Variants in ADH1B observed in about 807,000 individuals in gnomAD.
The protein encoded by ADH1B is alcohol dehydrogenase 1B (class I), beta polypeptide.
ADH1B carries 29 observed loss-of-function variants against 34.6 expected under a neutral mutation model. The observed-to-expected ratio is 0.84, with a 90% CI of 0.62 to 1.14. ADH1B has a LOEUF of 1.14. Among genes scored for constraint, ADH1B ranks in the 50% most tolerant of loss-of-function variants. The probability of loss-of-function intolerance (pLI) is 0.00; values close to 1 mark genes in which losing one functional copy is unlikely to be tolerated. For synonymous variants in ADH1B, 170 were observed against 175.5 expected (o/e 0.97, Z 0.25); for missense variants, 424 against 468.4 (o/e 0.91, Z 0.87).
At chr4:99,308,463 A>AC (rs1360563405) in intron 8 of ADH1B, among the ~76,000 whole-genome samples, 1 of 151,600 alleles carries the variant, frequency 6.6e-6, no homozygotes. Flanking sequence ...CAAAGTTAAG[A>AC]CTATGCTGGA....
Position 99,307,823 on chromosome 4 carries a change from A to G in ADH1B, c.*17T>C. 6.2e-7 allele frequency: 1 copy of G among 1,613,410 alleles called. No individual in the cohort carries two copies. ...AGGAGGCTGAAGACTGCTACAGGGG[A>G]AGGCATCTCTATTGCCTCAAAACGT... On this transcript the variant is annotated 3_prime_UTR_variant, in exon 9 of 9. Coordinates refer to ENST00000305046, the MANE Select transcript of ADH1B (RefSeq NM_000668.6).
intron 8 of ADH1B, among the ~76,000 whole-genome samples, chr4:99,309,647 G>A (rs928103685): frequency 1.1e-4 from 17 of 152,098 alleles, no homozygotes; most frequent in Non-Finnish European, 1.9e-4. Context: ...ATATGTACAT[G>A]CACTCTTGAG....
rs906569956 is a variant in ADH1B at position 99,315,997 on chromosome 4, A to G, written c.468T>C (p.Asn156=). ...AGGCTGCATCAATTTTGGCCACTGC[A>G]TTCTCATCCACCACCGTGTACTGGG... ...TFSQYTVVDE[N]AVAKIDAASP... Residue 156 remains asparagine (N), a synonymous_variant, in exon 5 of 9, where the codon AAT becomes AAC. Coordinates refer to ENST00000305046, the MANE Select transcript of ADH1B (RefSeq NM_000668.6). 5 of 1,614,134 alleles carry G rather than the reference A, an allele frequency of 3.1e-6. No homozygotes were observed. Among genetic ancestry groups the G allele is most frequent in the Non-Finnish European group, 3.4e-6 (4 of 1,180,020 alleles).
intron 3 of ADH1B, chr4:99,317,768 T>TGA (rs1394713960): frequency 2.3e-6 from 1 of 428,720 alleles, no homozygotes; most frequent in Non-Finnish European, 4.1e-6. Context: ...GTAGGCACTG[T>TGA]GTCTCTTTTG....
intron 6 of ADH1B, chr4:99,313,492 T>C (rs1447162945): frequency 3.6e-6 from 1 of 278,354 alleles, no homozygotes; most frequent in Non-Finnish European, 6.6e-6. Flanking sequence ...AACATTCCAA[T>C]TTGAGAACAG....
chr4:99,314,081 C>T lies in ADH1B; in HGVS notation c.568G>A (p.Val190Ile). 6.2e-7 allele frequency: 1 copy of T among 1,611,406 alleles called. No individual in the cohort carries two copies. Among genetic ancestry groups the T allele is most frequent in the Non-Finnish European group, 8.5e-7 (1 of 1,178,808 alleles). Residue 190 changes from valine to isoleucine, a missense_variant and splice_region_variant, in exon 6 of 9, where the codon GTC becomes ATC. Physicochemically the swap from Val to Ile is conservative, Grantham distance 29 (BLOSUM62 3). Transcript: ENST00000305046. ...GYGSAVNVAKVTPGSTCAVFG... is the reference protein window; with the variant it reads ...GYGSAVNVAKITPGSTCAVFG... ...ACAGCACAGGTAGAGCCTGGGGTGA[C>T]CTGTGTTTTCAGAAAATGCAAAAAT...
At position 99,310,886 on chromosome 4, in the gene ADH1B, C is replaced by T. The variant is rs775525528; in HGVS notation, c.982G>A (p.Gly328Ser). Reference sequence around the variant, plus strand: ...AAATCAGCCACAAGTTTTGGGATACCTTCTTTACTCTTAAAGCCTGAAAAG... The same window carrying T: ...AAATCAGCCACAAGTTTTGGGATACTTTCTTTACTCTTAAAGCCTGAAAAG... ...AVYGGFKSKEGIPKLVADFMA... is the reference protein window; with the variant it reads ...AVYGGFKSKESIPKLVADFMA... Residue 328 changes from glycine to serine, a missense_variant, in exon 8 of 9, where the codon GGT becomes AGT. Around this residue, in one of 3 missense-constraint regions of ADH1B, gnomAD observed 130 missense variants for 151.8 expected, o/e 0.86. Transcript: ENST00000305046. 2.5e-6 allele frequency: 4 copies of T among 1,613,106 alleles called. No homozygotes were observed. The African/African-American group carries it at 4.0e-5, about 16-fold the overall frequency.
chr4:99,320,941 A>G (rs1462428036), intron 1 of ADH1B: 2 of 1,242,772 alleles, frequency 1.6e-6, no homozygotes, highest in South Asian at 2.7e-5. Flanking sequence ...TTTGAATAAA[A>G]ATAATAACAC....
intron 3 of ADH1B, chr4:99,317,379 A>G (rs1464180391): frequency 6.6e-6 from 1 of 152,220 alleles, no homozygotes; most frequent in Non-Finnish European, 1.5e-5. Flanking sequence ...TAAATATTGA[A>G]GATGAAATAA....
chr4:99,308,027 C>G (rs1444440244), intron 8 of ADH1B, among the ~76,000 whole-genome samples, 163 bp from the exon 9 acceptor site: 1 of 152,116 alleles, frequency 6.6e-6, no homozygotes, highest in Admixed American at 6.6e-5. Flanking sequence ...GGAAGTTCAT[C>G]TTTTTTGGTT....
intron 7 of ADH1B, among the ~76,000 whole-genome samples, chr4:99,311,144 T>C (rs1192784947): frequency 6.6e-6 from 1 of 152,192 alleles, no homozygotes; most frequent in Non-Finnish European, 1.5e-5. Flanking sequence ...GTACAGAAGT[T>C]TATGCCCAAG....
At position 99,305,592 on chromosome 4, in the gene ADH1B, T is replaced by TATATATATAC. The variant is rs1560524566; in HGVS notation, c.*2247_*2248insGTATATATAT. 31 of 103,550 alleles carry TATATATATAC rather than the reference T, an allele frequency of 3.0e-4. No homozygotes were observed. The highest frequency in any genetic ancestry group is 1.1e-3 in the African/African-American group (30 of 26,212). The allele number at this position is 103,550 out of a possible 1,614,324, so 6.4% of individuals were successfully genotyped here. A position where few individuals can be genotyped will look rare whatever the true frequency, so the allele number is the denominator to read the frequency against. ...ATATATATATATATATATATATATATATATATATATATATATACAATCACT... is the reference window on the plus strand; with the variant it reads ...ATATATATATATATATATATATATATATATATATACATATATATATATATATACAATCACT... On this transcript the variant is annotated 3_prime_UTR_variant, in exon 9 of 9. Coordinates refer to ENST00000305046, the MANE Select transcript of ADH1B (RefSeq NM_000668.6).
intron 6 of ADH1B, among the ~76,000 whole-genome samples, chr4:99,312,923 T>C (rs998194703): frequency 6.6e-6 from 1 of 152,198 alleles, no homozygotes; most frequent in African/African-American, 2.4e-5. Context: ...CTGTGCTAAG[T>C]ATATCACATG....
In ADH1B at chr4:99,307,341, C is replaced by T. The variant is rs1379867519; in HGVS notation, c.*499G>A. Reference sequence around the variant, plus strand: ...TCACTACTTGTAAATGTGAGTCTATCCTTTACCTTACCCTAGCTTTTACCC... The same window carrying T: ...TCACTACTTGTAAATGTGAGTCTATTCTTTACCTTACCCTAGCTTTTACCC... On this transcript the variant is annotated 3_prime_UTR_variant, in exon 9 of 9. Coordinates refer to ENST00000305046, the MANE Select transcript of ADH1B (RefSeq NM_000668.6). 5.7e-6 allele frequency: 1 copy of T among 174,432 alleles called. No homozygotes were observed. The highest frequency in any genetic ancestry group is 1.2e-5 in the Non-Finnish European group (1 of 83,884). 10.8% of individuals were successfully genotyped at this position (174,432 alleles called of 1,614,324 possible).
chr4:99,308,585 T>C (rs1733673661), intron 8 of ADH1B, among the ~76,000 whole-genome samples: 1 of 151,946 alleles, frequency 6.6e-6, no homozygotes, highest in South Asian at 2.1e-4. Context: ...AAATGGAACA[T>C]TTACACTAGA....
intron 7 of ADH1B, 77 bp from the exon 8 acceptor site, chr4:99,310,980 T>C: frequency 6.5e-7 from 1 of 1,549,310 alleles, no homozygotes; most frequent in Non-Finnish European, 8.8e-7. Context: ...TCCAAATAAA[T>C]CAAAGTTTAG....
intron 1 of ADH1B, chr4:99,319,355 T>C (rs1317256348): frequency 3.5e-5 from 6 of 171,904 alleles, no homozygotes; most frequent in Non-Finnish European, 6.2e-5. Flanking sequence ...ATTATACATT[T>C]ACCTTCCTGC....
chr4:99,315,015 TG>T (rs1036154337), intron 5 of ADH1B: 59 of 152,312 alleles, frequency 3.9e-4, no homozygotes, highest in African/African-American at 1.4e-3. Context: ...ATTCATACTA[TG>T]GGGGACAACA....
intron 2 of ADH1B, chr4:99,318,489 A>C (rs1303420552): frequency 1.9e-6 from 1 of 513,194 alleles, no homozygotes; most frequent in Admixed American, 3.9e-5. Flanking sequence ...AAAGTAACAC[A>C]TGGAAAATAT....
Sources: allele counts gnomAD v4.1 joint callset (sites outside exome capture counted in the v4.1 genomes callset), GRCh38; gene constraint gnomAD v4.1.1; regional missense constraint gnomAD v4.1.1; transcripts MANE v1.5; gene names NCBI Gene and HGNC (gene_info 2026-07-23, HGNC 2026-07-21).